YIPF1: variants seen among roughly 807,000 people sequenced by gnomAD.
YIPF1 encodes the protein Yip1 domain family member 1.
YIPF1 carries 22 observed loss-of-function variants against 37.0 expected under a neutral mutation model. The ratio of observed to expected loss-of-function variants is 0.59; its 90% confidence interval spans 0.42 to 0.85. The LOEUF (loss-of-function observed/expected upper bound fraction) is 0.85. Among genes scored for constraint, YIPF1 ranks in the 40% least tolerant of loss-of-function variants. The pLI is 0.00. For synonymous variants in YIPF1, 128 were observed against 131.9 expected (o/e 0.97, Z 0.21); for missense variants, 355 against 373.1 (o/e 0.95, Z 0.40).
In YIPF1 at chr1:53,871,555, TTTC is replaced by T; in HGVS notation, c.365-70_365-68del. On this transcript the variant is annotated intron_variant, in intron 6 of 10. Coordinates refer to ENST00000072644, the MANE Select transcript of YIPF1 (RefSeq NM_018982.5). Reference sequence around the variant, plus strand: ...CATAAGCCTTTAGATTCTTACAGAATTTCTTATCTTCCTCTTGTATTCATGTTA... The same window carrying T: ...CATAAGCCTTTAGATTCTTACAGAATTTATCTTCCTCTTGTATTCATGTTA... 3 of 1,252,910 alleles carry T rather than the reference TTTC, an allele frequency of 2.4e-6. No homozygotes were observed. In the Admixed American group the frequency reaches 5.7e-5, roughly 24 times the overall value. The allele number at this position is 1,252,910 out of a possible 1,614,324, so 77.6% of individuals were successfully genotyped here. A position where few individuals can be genotyped will look rare whatever the true frequency, so the allele number is the denominator to read the frequency against.
intron 7 of YIPF1, among the ~76,000 whole-genome samples, chr1:53,870,820 T>G (rs1455660630): frequency 6.6e-6 from 1 of 151,792 alleles, no homozygotes; most frequent in Non-Finnish European, 1.5e-5. Flanking sequence ...GAGATCAGCC[T>G]GGGCAACACA....
At chr1:53,884,663 A>G (rs1435157918) in intron 3 of YIPF1, among the ~76,000 whole-genome samples, 2 of 152,224 alleles carry the variant, frequency 1.3e-5, no homozygotes, top group African/African-American at 4.8e-5. Context: ...CAGGGTGCAA[A>G]CCATTTTCAA....
chr1:53,868,804 A>G (rs1650098470), intron 7 of YIPF1, among the ~76,000 whole-genome samples: 1 of 152,204 alleles, frequency 6.6e-6, no homozygotes, highest in Admixed American at 6.5e-5. Context: ...GCCAAAGAGG[A>G]TAAGAACAGG....
intron 6 of YIPF1, among the ~76,000 whole-genome samples, chr1:53,875,155 A>G (rs1650301486): frequency 6.6e-6 from 1 of 152,184 alleles, no homozygotes; most frequent in African/African-American, 2.4e-5. Flanking sequence ...CTACCATACA[A>G]AAGTTTCCAC....
intron 10 of YIPF1, among the ~76,000 whole-genome samples, chr1:53,856,280 C>T (rs966502600): frequency 6.6e-6 from 1 of 152,216 alleles, no homozygotes; most frequent in Non-Finnish European, 1.5e-5. Context: ...GAGGGGCAGG[C>T]TCTTCTCAGA....
At position 53,878,688 on chromosome 1, in the gene YIPF1, C is replaced by T. The variant is rs1650401098; in HGVS notation, c.230G>A (p.Trp77Ter). 6.3e-7 allele frequency: 1 copy of T among 1,598,038 alleles called. No homozygotes were observed. The highest frequency in any genetic ancestry group is 8.5e-7 in the Non-Finnish European group (1 of 1,176,668). Residue 77 changes from tryptophan to a stop codon, truncating the protein, a stop_gained, in exon 5 of 11, where the codon TGG (tryptophan) becomes TAG (stop). Transcript: ENST00000072644. LOFTEE classifies it high-confidence loss of function. Reference protein sequence around the residue: ...LAGQKKSSPFWTFEYYQTFFD... With the variant: ...LAGQKKSSPF ...GAATGTTTGGTAGTATTCAAATGTC[C>T]AGAAGGGGGAGCTTTTCTTCTGTCC...
At chr1:53,857,404 T>C (rs887540443) in intron 10 of YIPF1, among the ~76,000 whole-genome samples, 2 of 152,190 alleles carry the variant, frequency 1.3e-5, no homozygotes, top group Non-Finnish European at 2.9e-5. Flanking sequence ...TGGAGACTGC[T>C]ACTAAACACC....
At chr1:53,872,690 T>G (rs1650225281) in intron 6 of YIPF1, among the ~76,000 whole-genome samples, 1 of 152,164 alleles carries the variant, frequency 6.6e-6, no homozygotes, top group South Asian at 2.1e-4. Context: ...ATTACGAACA[T>G]TACTGTCATA....
intron 7 of YIPF1, 124 bp downstream of exon 7, chr1:53,871,248 T>G: frequency 1.3e-6 from 1 of 742,320 alleles, no homozygotes; most frequent in Non-Finnish European, 2.3e-6. Context: ...AGTAGATACA[T>G]TGAACCCTAA....
At chr1:53,861,753 CCTGT>C (rs1649889049) in intron 9 of YIPF1, among the ~76,000 whole-genome samples, 1 of 151,882 alleles carries the variant, frequency 6.6e-6, no homozygotes, top group South Asian at 2.1e-4. Flanking sequence ...GTGGCTCACA[CCTGT>C]AATCTCAGCA....
intron 7 of YIPF1, among the ~76,000 whole-genome samples, chr1:53,870,043 G>T (rs1650138569): frequency 6.6e-6 from 1 of 150,640 alleles, no homozygotes; most frequent in African/African-American, 2.4e-5. Flanking sequence ...TTTATTTTTA[G>T]TAGAGACGGG....
intron 7 of YIPF1, among the ~76,000 whole-genome samples, chr1:53,869,800 C>G (rs1650128183): frequency 6.6e-6 from 1 of 152,026 alleles, no homozygotes; most frequent in Non-Finnish European, 1.5e-5. Context: ...TTCACAAGCC[C>G]ATCCCTAGGA....
intron 10 of YIPF1, among the ~76,000 whole-genome samples, chr1:53,857,237 G>C (rs1649743194): frequency 6.6e-6 from 1 of 152,222 alleles, no homozygotes; most frequent in Non-Finnish European, 1.5e-5. Flanking sequence ...GCAGCCTTGA[G>C]AGAGAATCTG....
At chr1:53,872,386 T>C (rs1650216390) in intron 6 of YIPF1, among the ~76,000 whole-genome samples, 1 of 152,206 alleles carries the variant, frequency 6.6e-6, no homozygotes, top group African/African-American at 2.4e-5. Context: ...CACCTTAATA[T>C]AGCCTGGTGA....
chr1:53,878,319 G>C lies in YIPF1; in HGVS notation c.360C>G (p.Leu120=). The C allele has an allele frequency of 6.2e-7, 1 of 1,613,872 alleles. No homozygotes were observed. The highest frequency in any genetic ancestry group is 8.5e-7 in the Non-Finnish European group (1 of 1,179,888). ...ACAAATCAGTACTAAACATACCATA[G>C]AGATCTGGATTGCTGCGGATATATA... is the stretch of plus-strand genomic sequence containing the variant. ...VRLYIRSNPD[L]YGPFWICATL... is the part of the protein sequence containing the mutation. Residue 120 remains leucine, a synonymous_variant, in exon 6 of 11, where the codon CTC becomes CTG. Coordinates refer to ENST00000072644, the MANE Select transcript of YIPF1 (RefSeq NM_018982.5).
rs534647137 is a variant in YIPF1 at position 53,857,906 on chromosome 1, G to A, written c.*8+2150C>T. On this transcript the variant is annotated intron_variant, in intron 10 of 10. Transcript: ENST00000072644. The stretch of plus-strand genomic sequence containing the variant: ...TGAGGCAGGAGAATCTCTTGAACCC[G>A]GGAGGCAGAGGTTGCAGTGGGCCAA... Among the ~76,000 whole-genome samples the A allele has an allele frequency of 1.7e-4, 26 of 151,364 alleles. No individual in the cohort carries two copies. The East Asian group carries it at 4.1e-3, about 24-fold the overall frequency.
At chr1:53,886,847 T>C (rs1406938237) in intron 3 of YIPF1, 1 of 151,886 alleles carries the variant, frequency 6.6e-6, no homozygotes, top group African/African-American at 2.4e-5. Context: ...GAGGAGAGAT[T>C]TGAACAGAGC....
chr1:53,883,050 T>G (rs576408879), intron 4 of YIPF1, 63 bp downstream of exon 4: 14 of 1,501,542 alleles, frequency 9.3e-6, no homozygotes, highest in Non-Finnish European at 1.2e-5. Flanking sequence ...CAGTAGACAG[T>G]GAATAAGCAC....
At chr1:53,858,329 A>G (rs952888930) in intron 10 of YIPF1, among the ~76,000 whole-genome samples, 16 of 152,150 alleles carry the variant, frequency 1.1e-4, no homozygotes, top group Admixed American at 9.2e-4. Context: ...AGGGCCTACA[A>G]CCTGGATTCC....
Sources: allele counts gnomAD v4.1 joint callset (sites outside exome capture counted in the v4.1 genomes callset), GRCh38; gene constraint gnomAD v4.1.1; transcripts MANE v1.5; gene names NCBI Gene and HGNC (gene_info 2026-07-23, HGNC 2026-07-21).